Variants in CDH4 observed in about 807,000 individuals in gnomAD.
CDH4 encodes the protein cadherin-4.
A neutral mutation model predicts 86.0 loss-of-function variants in CDH4; 33 were observed. The ratio of observed to expected loss-of-function variants is 0.38; its 90% confidence interval spans 0.29 to 0.51. CDH4 has a LOEUF of 0.51. CDH4 is among the 20% of genes least tolerant of loss of function. CDH4 has a pLI of 0.86. For missense variants in CDH4, 1,114 were observed against 1,307.4 expected (o/e 0.85, Z 2.28); for synonymous variants, 555 against 549.4 (o/e 1.01, Z -0.14).
chr20:61,472,976 A>G (rs1176875427), intron 2 of CDH4, among the ~76,000 whole-genome samples: 1 of 152,134 alleles, frequency 6.6e-6, no homozygotes, highest in African/African-American at 2.4e-5. Flanking sequence ...TTGGTGGACT[A>G]TACCCAACCG....
chr20:61,330,122 A>G (rs1246136136), intron 2 of CDH4, among the ~76,000 whole-genome samples: 1 of 152,060 alleles, frequency 6.6e-6, no homozygotes. Context: ...TGTCTTTGCT[A>G]TTGTGAATAG....
At chr20:61,899,381 T>C (rs1776250) in intron 8 of CDH4, among the ~76,000 whole-genome samples, 14,369 of 152,090 alleles carry the variant, frequency 0.094, 1,611 homozygotes, top group East Asian at 0.44. Flanking sequence ...GTATGTCTTT[T>C]GTGAATGATC....
chr20:61,511,748 GA>G (rs2085781783), intron 2 of CDH4, among the ~76,000 whole-genome samples: 1 of 152,226 alleles, frequency 6.6e-6, no homozygotes. Flanking sequence ...CTCTTAATCA[GA>G]AACAGAGCTA....
In CDH4 at chr20:61,928,213, G is replaced by A. The variant is rs777402708; in HGVS notation, c.1795G>A (p.Gly599Arg). 1.8e-5 allele frequency: 29 copies of A among 1,602,068 alleles called. No individual in the cohort carries two copies. Among genetic ancestry groups the A allele is most frequent in the Admixed American group, 8.3e-5 (5 of 60,000 alleles). Residue 599 changes from glycine to arginine, a missense_variant, in exon 12 of 16, where the codon GGG becomes AGG. Gly to Arg is a moderately radical substitution (Grantham distance 125). Transcript: ENST00000614565. ...DNGIPPASGT[G>R]TLQIYLIDIN... is the part of the protein sequence containing the mutation. Reference sequence around the variant, plus strand: ...AGGGATACCCCCGGCCAGCGGCACCGGGACCCTCCAGATCTATCTCATTGA... The same window carrying A: ...AGGGATACCCCCGGCCAGCGGCACCAGGACCCTCCAGATCTATCTCATTGA...
At chr20:61,689,800 G>A (rs541056905) in intron 2 of CDH4, among the ~76,000 whole-genome samples, 2 of 143,528 alleles carry the variant, frequency 1.4e-5, no homozygotes, top group South Asian at 4.6e-4. Flanking sequence ...TGTGGAATAG[G>A]GCTGGGACAG....
chr20:61,612,437 G>T (rs1262670618), intron 2 of CDH4, among the ~76,000 whole-genome samples: 1 of 152,154 alleles, frequency 6.6e-6, no homozygotes, highest in Non-Finnish European at 1.5e-5. Context: ...CTCATAATAG[G>T]ATGCTGTGGG....
At chr20:61,924,036 C>T (rs927398365) in intron 10 of CDH4, among the ~76,000 whole-genome samples, 3 of 152,188 alleles carry the variant, frequency 2.0e-5, no homozygotes, top group African/African-American at 2.4e-5. Flanking sequence ...CTTGTCCGTT[C>T]GATGGGGACA....
In CDH4 at chr20:61,844,858, G is replaced by A. The variant is rs372919838; in HGVS notation, c.732+35G>A. The stretch of plus-strand genomic sequence containing the variant: ...CACACCCGGCTGAGAATGGGGCCCT[G>A]GGGTGGCGATCCCAGCCCTACCAGG... On this transcript the variant is annotated intron_variant, in intron 5 of 15. Transcript: ENST00000614565. 6.9e-6 allele frequency: 11 copies of A among 1,584,186 alleles called. No individual in the cohort carries two copies. In the Middle Eastern group the frequency reaches 1.0e-3, roughly 146 times the overall value.
intron 15 of CDH4, among the ~76,000 whole-genome samples, chr20:61,934,504 G>A (rs901134187): frequency 1.1e-4 from 16 of 152,226 alleles, no homozygotes; most frequent in Admixed American, 2.0e-4. Context: ...GTAAGAATTC[G>A]GGTTTGCAGC....
intron 4 of CDH4, among the ~76,000 whole-genome samples, chr20:61,836,036 C>T (rs1257165792): frequency 2.6e-5 from 4 of 152,190 alleles, no homozygotes; most frequent in African/African-American, 9.6e-5. Context: ...GGGTCTTGAC[C>T]GGGCTCTGGC....
At chr20:61,847,238 A>C (rs970768432) in intron 5 of CDH4, among the ~76,000 whole-genome samples, 1 of 152,204 alleles carries the variant, frequency 6.6e-6, no homozygotes, top group Admixed American at 6.5e-5. Flanking sequence ...CAGCACGGCT[A>C]GGGGACGGGG....
intron 2 of CDH4, among the ~76,000 whole-genome samples, chr20:61,577,264 G>C (rs2086389145): frequency 6.6e-6 from 1 of 151,798 alleles, no homozygotes; most frequent in South Asian, 2.1e-4. Context: ...GTGTATTGAA[G>C]GATGTGTGGA....
At chr20:61,468,024 T>A (rs1043498735) in intron 2 of CDH4, among the ~76,000 whole-genome samples, 1 of 152,220 alleles carries the variant, frequency 6.6e-6, no homozygotes, top group African/African-American at 2.4e-5. Flanking sequence ...AAAGTGTTAT[T>A]CTCCCAGCAC....
At chr20:61,706,077 T>C (rs1383833165) in intron 2 of CDH4, among the ~76,000 whole-genome samples, 2 of 152,186 alleles carry the variant, frequency 1.3e-5, no homozygotes, top group African/African-American at 4.8e-5. Context: ...CACCCCATTG[T>C]GCCCAGTGGC....
At chr20:61,437,746 G>T (rs1250249826) in intron 2 of CDH4, among the ~76,000 whole-genome samples, 1 of 152,062 alleles carries the variant, frequency 6.6e-6, no homozygotes, top group East Asian at 1.9e-4. Flanking sequence ...TAGGTCGCTG[G>T]GGACCCTTTC....
At chr20:61,574,353 C>T (rs1008360543) in intron 2 of CDH4, among the ~76,000 whole-genome samples, 4 of 152,220 alleles carry the variant, frequency 2.6e-5, no homozygotes, top group East Asian at 1.9e-4. Flanking sequence ...CCGTGTGCAA[C>T]GTGAAATGAA....
At chr20:61,756,093 C>T (rs1368888120) in intron 3 of CDH4, among the ~76,000 whole-genome samples, 1 of 152,214 alleles carries the variant, frequency 6.6e-6, no homozygotes, top group Non-Finnish European at 1.5e-5. Flanking sequence ...GCCTTCTCCT[C>T]TGCACATTCT....
intron 2 of CDH4, among the ~76,000 whole-genome samples, chr20:61,475,461 CT>C (rs1568858178): frequency 2.2e-4 from 10 of 45,918 alleles, no homozygotes; most frequent in East Asian, 1.5e-3. Context: ...CTCCCCCCCT[CT>C]CTCTCCCTCC....
intron 2 of CDH4, among the ~76,000 whole-genome samples, chr20:61,515,376 C>A (rs2085811307): frequency 1.3e-5 from 2 of 152,246 alleles, no homozygotes; most frequent in Admixed American, 1.3e-4. Flanking sequence ...GGGAGCACTG[C>A]TGGCTGCACC....
Sources: allele counts gnomAD v4.1 joint callset (sites outside exome capture counted in the v4.1 genomes callset), GRCh38; gene constraint gnomAD v4.1.1; transcripts MANE v1.5; gene names NCBI Gene and HGNC (gene_info 2026-07-23, HGNC 2026-07-21).